Variants in PSME4 observed in about 807,000 individuals in gnomAD.
PSME4 encodes the protein proteasome activator complex subunit 4.
In PSME4, 89 loss-of-function variants were observed where a neutral mutation model predicts 253.9. The ratio of observed to expected loss-of-function variants is 0.35; its 90% confidence interval spans 0.30 to 0.42. The LOEUF (loss-of-function observed/expected upper bound fraction) is 0.42. PSME4 is among the 10% of genes least tolerant of loss of function. The pLI is 1.00. For synonymous variants in PSME4, 851 were observed against 759.2 expected (o/e 1.12, Z -1.99); for missense variants, 2,014 against 2,195.2 (o/e 0.92, Z 1.65).
At chr2:53,917,854 T>A (rs1011624228) in intron 20 of PSME4, among the ~76,000 whole-genome samples, 2 of 152,230 alleles carry the variant, frequency 1.3e-5, no homozygotes, top group African/African-American at 2.4e-5. Context: ...CAAAAATGAA[T>A]TCTGGTACAA....
chr2:53,886,183 G>A (rs1449409289), intron 40 of PSME4, among the ~76,000 whole-genome samples: 1 of 152,180 alleles, frequency 6.6e-6, no homozygotes, highest in Non-Finnish European at 1.5e-5. Flanking sequence ...CAAGGCGGGA[G>A]GATCCCTTGA....
At chr2:53,927,307 G>A in intron 12 of PSME4, 87 bp downstream of exon 12, 1 of 948,294 alleles carries the variant, frequency 1.1e-6, no homozygotes, top group South Asian at 1.4e-5. Context: ...TACTTCCAAA[G>A]TCGTTTCTAA....
intron 1 of PSME4, among the ~76,000 whole-genome samples, chr2:53,965,104 C>G (rs1260976372): frequency 6.6e-6 from 1 of 150,780 alleles, no homozygotes; most frequent in African/African-American, 2.4e-5. Context: ...CACACACAGA[C>G]ACACACACAC....
chr2:53,925,884 T>C, intron 13 of PSME4, 75 bp downstream of exon 13: 1 of 1,464,680 alleles, frequency 6.8e-7, no homozygotes, highest in South Asian at 1.2e-5. Flanking sequence ...AATGCAGAAA[T>C]AAACTAAACT....
chr2:53,909,258 CA>C (rs1667711825), intron 21 of PSME4, among the ~76,000 whole-genome samples: 1 of 151,942 alleles, frequency 6.6e-6, no homozygotes, highest in Admixed American at 6.5e-5. Flanking sequence ...TACAGCCTAG[CA>C]ATTAATGTAT....
chr2:53,906,223 G>A (rs1185839661), intron 26 of PSME4, among the ~76,000 whole-genome samples: 2 of 152,128 alleles, frequency 1.3e-5, no homozygotes, highest in Admixed American at 6.6e-5. Flanking sequence ...TGTGGCCTTC[G>A]TAGACTGGGC....
rs750313542 is a variant in PSME4, at chr2:53,948,461, A to G, written c.460T>C (p.Tyr154His). 1 of 1,613,292 alleles carries G rather than the reference A, an allele frequency of 6.2e-7. No homozygotes were observed. The highest frequency in any genetic ancestry group is 2.2e-5 in the East Asian group (1 of 44,844). ...PLYDMVERIL[Y>H]SKTEHLGLNW... ...AATCCTAGGTGCTCTGTCTTGGAAT[A>G]TAATATTCTTTCTACCATGTCATAA... Residue 154 changes from tyrosine to histidine, a missense_variant, in exon 3 of 47, where the codon TAT becomes CAT. Around this residue, in one of 4 missense-constraint regions of PSME4, gnomAD observed 615 missense variants for 594.4 expected, o/e 1.03. Coordinates refer to ENST00000404125, the MANE Select transcript of PSME4 (RefSeq NM_014614.3).
chr2:53,886,615 T>G (rs1196134980), intron 40 of PSME4, among the ~76,000 whole-genome samples: 1 of 152,188 alleles, frequency 6.6e-6, no homozygotes, highest in African/African-American at 2.4e-5. Flanking sequence ...TGTAAAATGG[T>G]GCAGCTGCTG....
intron 1 of PSME4, among the ~76,000 whole-genome samples, chr2:53,954,816 G>A (rs1056873918): frequency 6.6e-6 from 1 of 151,822 alleles, no homozygotes; most frequent in Non-Finnish European, 1.5e-5. Flanking sequence ...ACTCCAGCCT[G>A]GGTAACAGAG....
At chr2:53,925,392 T>G (rs79829307) in intron 14 of PSME4, 147 bp downstream of exon 14, 33,418 of 805,384 alleles carry the variant, frequency 0.041, 817 homozygotes, top group Non-Finnish European at 0.049. Flanking sequence ...AATTTGCAAA[T>G]AATGAGCAAC....
intron 36 of PSME4, among the ~76,000 whole-genome samples, chr2:53,891,637 G>C (rs930032521): frequency 6.6e-6 from 1 of 151,938 alleles, no homozygotes; most frequent in African/African-American, 2.4e-5. Context: ...AAGGTAGGTG[G>C]AGTTCAAGAG....
intron 17 of PSME4, among the ~76,000 whole-genome samples, chr2:53,921,999 C>T (rs961655282): frequency 1.3e-5 from 2 of 150,740 alleles, no homozygotes; most frequent in Non-Finnish European, 3.0e-5. Context: ...AGTGAAACCC[C>T]GTCTCTACTA....
At chr2:53,933,663 T>G (rs1668965215) in intron 8 of PSME4, among the ~76,000 whole-genome samples, 1 of 152,198 alleles carries the variant, frequency 6.6e-6, no homozygotes, top group African/African-American at 2.4e-5. Flanking sequence ...ATTACAGATG[T>G]GAGCCATGGC....
Position 53,904,075 on chromosome 2 carries a change from A to G in PSME4, c.3025T>C (p.Leu1009=). 1 of 1,613,946 alleles carries G rather than the reference A, an allele frequency of 6.2e-7. No individual in the cohort carries two copies. The highest frequency in any genetic ancestry group is 8.5e-7 in the Non-Finnish European group (1 of 1,179,892). The part of the protein sequence containing the change: ...FCCRDIIPLV[L]EFLRPDRQGV... The stretch of plus-strand genomic sequence containing the variant: ...TGTCTATCAGGCCTTAAGAACTCCA[A>G]AACCAAGGGAATGATATCTCTGCAA... Residue 1009 remains leucine (L), a synonymous_variant, in exon 27 of 47, where the codon TTG becomes CTG. Coordinates refer to ENST00000404125, the MANE Select transcript of PSME4 (RefSeq NM_014614.3).
At chr2:53,956,338 C>T (rs886398901) in intron 1 of PSME4, among the ~76,000 whole-genome samples, 1 of 151,500 alleles carries the variant, frequency 6.6e-6, no homozygotes, top group South Asian at 2.1e-4. Context: ...AGACCAGCCT[C>T]GTCAACACGG....
At chr2:53,868,584 T>C (rs977786097) in intron 44 of PSME4, among the ~76,000 whole-genome samples, 9 of 133,170 alleles carry the variant, frequency 6.8e-5, no homozygotes, top group African/African-American at 2.5e-4. Context: ...ATAAAATATA[T>C]TTATAATATA....
rs1291829067 is a variant in PSME4 at position 53,970,556 on chromosome 2, T to G, written c.229A>C (p.Arg77=). 9 of 1,547,936 alleles carry G rather than the reference T, an allele frequency of 5.8e-6. No individual in the cohort carries two copies. The highest frequency in any genetic ancestry group is 7.8e-6 in the Non-Finnish European group (9 of 1,146,766). ...ELWPGGLFWT[R]KLSTYIRLYG... The stretch of plus-strand genomic sequence containing the variant: ...GGGCACACTTACGTGGAGAGTTTCC[T>G]GGTCCAGAAGAGGCCCCCGGGCCAC... The change falls in exon 1 of 47, where the codon AGG becomes CGG. Residue 77 remains arginine, a synonymous_variant. Transcript: ENST00000404125.
intron 1 of PSME4, among the ~76,000 whole-genome samples, chr2:53,962,575 G>A (rs1313389395): frequency 6.6e-6 from 1 of 152,096 alleles, no homozygotes; most frequent in African/African-American, 2.4e-5. Flanking sequence ...CTTTCTTAGT[G>A]CCTCAAAGTA....
intron 20 of PSME4, among the ~76,000 whole-genome samples, chr2:53,911,831 T>G (rs1248152139): frequency 2.6e-5 from 4 of 152,216 alleles, no homozygotes; most frequent in Admixed American, 2.6e-4. Context: ...CCAATTATTC[T>G]CCATAGTTTT....
Sources: gnomAD v4.1 joint callset for allele counts (sites outside exome capture counted in the v4.1 genomes callset) on GRCh38, gnomAD v4.1.1 for gene constraint, gnomAD v4.1.1 regional missense constraint, MANE v1.5 for transcripts, NCBI Gene and HGNC (gene_info 2026-07-23, HGNC 2026-07-21) for gene names.